Variants in CRACD observed in about 807,000 individuals in gnomAD.
CRACD encodes the protein capping protein inhibiting regulator of actin dynamics.
Under a neutral mutation model 106.8 loss-of-function variants are expected in CRACD, and 56 were observed. That is an observed-to-expected ratio of 0.52 (90% CI 0.42 to 0.66). The LOEUF is 0.66. CRACD is among the 30% of genes least tolerant of loss of function. The probability of loss-of-function intolerance (pLI) is 0.00; values close to 1 mark genes in which losing one functional copy is unlikely to be tolerated. For missense variants in CRACD, 1,730 were observed against 1,623.2 expected, an observed-to-expected ratio of 1.07 and a Z score of -1.13; for synonymous variants, 754 against 670.8, an observed-to-expected ratio of 1.12 and a Z score of -1.92.
chr4:56,065,344 T>A (rs187029281), intron 1 of CRACD, among the ~76,000 whole-genome samples: 1 of 152,258 alleles, frequency 6.6e-6, no homozygotes, highest in Admixed American at 6.5e-5. Context: ...CACCTCAGCC[T>A]CCCAGAGTGC....
At chr4:56,166,881 C>G (rs1736175828) in intron 1 of CRACD, among the ~76,000 whole-genome samples, 1 of 152,072 alleles carries the variant, frequency 6.6e-6, no homozygotes, top group Admixed American at 6.5e-5. Context: ...TTTCAAACTT[C>G]ATCTGTGAAT....
chr4:56,211,443 G>A (rs1738402157), intron 2 of CRACD, among the ~76,000 whole-genome samples: 1 of 152,232 alleles, frequency 6.6e-6, no homozygotes, highest in African/African-American at 2.4e-5. Flanking sequence ...GCTGTTCCAG[G>A]TGTGCCCCAG....
chr4:56,137,055 T>C (rs9790781), intron 1 of CRACD, among the ~76,000 whole-genome samples: 55,446 of 152,072 alleles, frequency 0.36, 10,607 homozygotes, highest in East Asian at 0.54. Context: ...TGGGGATTTT[T>C]TGTTCTGTTT....
chr4:56,256,088 T>G (rs1741339136), intron 2 of CRACD, among the ~76,000 whole-genome samples: 1 of 152,190 alleles, frequency 6.6e-6, no homozygotes. Flanking sequence ...TCTGCCATCC[T>G]CTGTAGAGAA....
At chr4:56,266,553 T>C (rs1009689850) in intron 2 of CRACD, among the ~76,000 whole-genome samples, 2 of 152,260 alleles carry the variant, frequency 1.3e-5, no homozygotes, top group Non-Finnish European at 2.9e-5. Flanking sequence ...TGCTAAATTA[T>C]ACTTCTATAT....
At chr4:56,114,148 G>A (rs936741445) in intron 1 of CRACD, among the ~76,000 whole-genome samples, 19 of 151,724 alleles carry the variant, frequency 1.3e-4, no homozygotes, top group Admixed American at 1.1e-3. Context: ...CAATTATGTT[G>A]CCATGGATTT....
chr4:56,101,940 ATTG>A (rs1380006033), intron 1 of CRACD, among the ~76,000 whole-genome samples: 1 of 151,984 alleles, frequency 6.6e-6, no homozygotes, highest in East Asian at 1.9e-4. Flanking sequence ...ATTCATTTCA[ATTG>A]TTATATAGTT....
intron 1 of CRACD, among the ~76,000 whole-genome samples, chr4:56,056,609 C>G (rs912311673): frequency 7.0e-6 from 1 of 143,714 alleles, no homozygotes; most frequent in Non-Finnish European, 1.5e-5. Flanking sequence ...AAAAAAAAAA[C>G]AAACAAAAAA....
rs199946852 is a variant in CRACD, at chr4:56,170,040, G to GAAC, written c.-335-9222_-335-9220dup. Reference sequence around the variant, plus strand: ...CTGTTTGTACTTTCACTGAGTAGCAGAACAACAACAACAACAACAACAACC... The same window carrying GAAC: ...CTGTTTGTACTTTCACTGAGTAGCAGAACAACAACAACAACAACAACAACAACC... On this transcript the variant is annotated intron_variant, in intron 1 of 10. Coordinates refer to ENST00000682029, the MANE Select transcript of CRACD (RefSeq NM_001393381.1). Among the ~76,000 whole-genome samples the GAAC allele has an allele frequency of 4.6e-4, 70 of 151,980 alleles. 1 individual carries two copies. The highest frequency in any genetic ancestry group is 1.4e-3 in the African/African-American group (57 of 41,460).
chr4:56,266,219 A>C (rs1742013468), intron 2 of CRACD, among the ~76,000 whole-genome samples: 1 of 152,212 alleles, frequency 6.6e-6, no homozygotes, highest in East Asian at 1.9e-4. Context: ...AAAATGCTGA[A>C]ATATTAAGAA....
intron 1 of CRACD, among the ~76,000 whole-genome samples, chr4:56,091,862 G>A (rs1560448323): frequency 6.6e-6 from 1 of 152,098 alleles, no homozygotes; most frequent in Non-Finnish European, 1.5e-5. Flanking sequence ...TACCTTCTGT[G>A]TGTCAAACAC....
In CRACD at chr4:56,306,017, C is replaced by T. The variant is rs189938353; in HGVS notation, c.121-1518C>T. ...CCAGTGGAGTACAATGAAAACAACA[C>T]TGAATGTTATTTTTAAAAGACCTGA... is the stretch of plus-strand genomic sequence containing the variant. On this transcript the variant is annotated intron_variant, in intron 4 of 10. Coordinates refer to ENST00000682029, the MANE Select transcript of CRACD (RefSeq NM_001393381.1). Among the ~76,000 whole-genome samples, 147 of 152,258 alleles carry T rather than the reference C, an allele frequency of 9.7e-4. No individual in the cohort carries two copies. In the East Asian group the frequency reaches 0.024, roughly 25 times the overall value.
At chr4:56,116,373 T>C (rs1157675245) in intron 1 of CRACD, among the ~76,000 whole-genome samples, 1 of 152,232 alleles carries the variant, frequency 6.6e-6, no homozygotes, top group Non-Finnish European at 1.5e-5. Context: ...TGTCTTCATT[T>C]CTATGGGGTA....
Position 56,070,091 on chromosome 4 carries a change from A to C in CRACD, c.-336+20792A>C, listed in dbSNP as rs1465191000. ...GCTACACAAAAAGAAAGAAAAATCGAGAAAGTCGGTAGCTTGGCATTTAAG... is the reference window on the plus strand; with the variant it reads ...GCTACACAAAAAGAAAGAAAAATCGCGAAAGTCGGTAGCTTGGCATTTAAG... On this transcript the variant is annotated intron_variant, in intron 1 of 10. Transcript: ENST00000682029. 2.0e-5 allele frequency among the ~76,000 whole-genome samples: 3 copies of C among 152,338 alleles called. No individual in the cohort carries two copies. In the East Asian group the frequency reaches 5.8e-4, roughly 29 times the overall value.
intron 2 of CRACD, among the ~76,000 whole-genome samples, chr4:56,252,338 C>T (rs888160512): frequency 1.3e-5 from 2 of 152,204 alleles, no homozygotes; most frequent in African/African-American, 4.8e-5. Context: ...ATAACTCCAT[C>T]GGCTGCTACC....
chr4:56,071,597 C>T (rs1254247560), intron 1 of CRACD, among the ~76,000 whole-genome samples: 1 of 151,622 alleles, frequency 6.6e-6, no homozygotes, highest in East Asian at 2.0e-4. Flanking sequence ...GCAACCTTTG[C>T]TTCCCAGGTT....
chr4:56,185,131 A>G (rs1321516472), intron 2 of CRACD, among the ~76,000 whole-genome samples: 2 of 151,860 alleles, frequency 1.3e-5, no homozygotes, highest in African/African-American at 2.4e-5. Flanking sequence ...TAATTTTTTT[A>G]TATTTTTAGT....
intron 1 of CRACD, among the ~76,000 whole-genome samples, chr4:56,087,853 G>A (rs546184112): frequency 3.5e-4 from 54 of 152,208 alleles, no homozygotes; most frequent in Middle Eastern, 3.4e-3. Context: ...TAAGGAGTGT[G>A]TCATCACTCT....
At chr4:56,189,781 CT>C (rs2066206535) in intron 2 of CRACD, among the ~76,000 whole-genome samples, 1 of 147,574 alleles carries the variant, frequency 6.8e-6, no homozygotes, top group Admixed American at 6.8e-5. Flanking sequence ...GCCACATTTT[CT>C]TTTTTTCTTT....
Sources: allele counts gnomAD v4.1 joint callset (sites outside exome capture counted in the v4.1 genomes callset), GRCh38; gene constraint gnomAD v4.1.1; transcripts MANE v1.5; gene names NCBI Gene and HGNC (gene_info 2026-07-23, HGNC 2026-07-21).